POLR3B: variants seen among roughly 807,000 people sequenced by gnomAD.
POLR3B encodes the protein DNA-directed RNA polymerase III subunit RPC2.
POLR3B carries 96 observed loss-of-function variants against 147.4 expected under a neutral mutation model. That is an observed-to-expected ratio of 0.65 (90% confidence interval 0.55 to 0.77). The LOEUF (loss-of-function observed/expected upper bound fraction) is 0.77. Among genes scored for constraint, POLR3B ranks in the 30% least tolerant of loss-of-function variants. POLR3B has a pLI of 0.00. For missense variants in POLR3B, 1,036 were observed against 1,413.5 expected (o/e 0.73, Z 4.28); for synonymous variants, 461 against 485.9 (o/e 0.95, Z 0.67).
intron 23 of POLR3B, among the ~76,000 whole-genome samples, chr12:106,487,487 G>C: frequency 6.6e-6 from 1 of 152,248 alleles, no homozygotes; most frequent in East Asian, 1.9e-4. Flanking sequence ...TCCATTTAGA[G>C]CATTAAATGT....
At chr12:106,368,022 C>T (rs2036556017) in intron 4 of POLR3B, among the ~76,000 whole-genome samples, 1 of 152,022 alleles carries the variant, frequency 6.6e-6, no homozygotes, top group South Asian at 2.1e-4. Flanking sequence ...TCAATTTGGA[C>T]TCATGGATGT....
rs2038200295 is a variant in POLR3B, at chr12:106,477,842, G to A, written c.2713+14222G>A. Among the ~76,000 whole-genome samples the A allele has an allele frequency of 2.0e-5, 3 of 151,194 alleles. No individual in the cohort carries two copies. The South Asian group carries it at 6.3e-4, about 32-fold the overall frequency. On this transcript the variant is annotated intron_variant, in intron 23 of 27. Coordinates refer to ENST00000228347, the MANE Select transcript of POLR3B (RefSeq NM_018082.6). The stretch of plus-strand genomic sequence containing the variant: ...CCGTCTTCTGCGTCGCTCACGGGCT[G>A]GGAGCTGTAGACGGGAGCTGTTCCT...
chr12:106,481,940 T>G (rs1005977144), intron 23 of POLR3B, among the ~76,000 whole-genome samples: 7 of 152,192 alleles, frequency 4.6e-5, no homozygotes, highest in Admixed American at 3.3e-4. Flanking sequence ...TTCTTGGGTT[T>G]GTTTGTTTGT....
intron 6 of POLR3B, among the ~76,000 whole-genome samples, chr12:106,372,350 T>G (rs2036619104): frequency 6.7e-6 from 1 of 149,718 alleles, no homozygotes; most frequent in Admixed American, 6.7e-5. Context: ...TTTTTTTTTT[T>G]TTTTTTGAGA....
At chr12:106,424,620 T>G (rs2037413204) in intron 12 of POLR3B, among the ~76,000 whole-genome samples, 1 of 151,686 alleles carries the variant, frequency 6.6e-6, no homozygotes. Context: ...GCTTGCTAGA[T>G]TTTTTTTTAA....
intron 23 of POLR3B, among the ~76,000 whole-genome samples, chr12:106,475,818 C>G (rs920030223): frequency 2.0e-5 from 3 of 150,136 alleles, no homozygotes; most frequent in Non-Finnish European, 4.4e-5. Context: ...GACTCTTTAT[C>G]CAACTTGCCA....
chr12:106,480,793 C>T (rs1004081618), intron 23 of POLR3B, among the ~76,000 whole-genome samples: 4 of 151,950 alleles, frequency 2.6e-5, no homozygotes, highest in African/African-American at 9.7e-5. Context: ...ATTAAAGTTC[C>T]AACCCTTGCG....
Position 106,509,621 on chromosome 12 carries a change from A to G in POLR3B, c.*72A>G. On this transcript the variant is annotated 3_prime_UTR_variant, in exon 28 of 28. Coordinates refer to ENST00000228347, the MANE Select transcript of POLR3B (RefSeq NM_018082.6). Reference sequence around the variant, plus strand: ...CAACGGAAAGCAGAAGGGATTTAGGACTACGTCTCCTCCTGTGAAGAATTC... The same window carrying G: ...CAACGGAAAGCAGAAGGGATTTAGGGCTACGTCTCCTCCTGTGAAGAATTC... The G allele has an allele frequency of 7.4e-7, 1 of 1,354,190 alleles. No homozygotes were observed. Among genetic ancestry groups the G allele is most frequent in the Non-Finnish European group, 1.0e-6 (1 of 955,512 alleles). The allele number at this position is 1,354,190 out of a possible 1,614,324, so 83.9% of individuals were successfully genotyped here. A position where few individuals can be genotyped will look rare whatever the true frequency, so the allele number is the denominator to read the frequency against.
intron 23 of POLR3B, among the ~76,000 whole-genome samples, chr12:106,480,778 A>T (rs184468148): frequency 8.1e-4 from 123 of 152,318 alleles, no homozygotes; most frequent in African/African-American, 2.8e-3. Context: ...CAGTAAACAA[A>T]ATAGATTAAA....
At chr12:106,495,246 A>T (rs2038462018) in intron 23 of POLR3B, among the ~76,000 whole-genome samples, 1 of 152,242 alleles carries the variant, frequency 6.6e-6, no homozygotes, top group African/African-American at 2.4e-5. Flanking sequence ...AGGTTAGAAT[A>T]ATATTAAGGG....
chr12:106,458,000 A>G (rs1057103478), intron 21 of POLR3B, among the ~76,000 whole-genome samples: 3 of 152,218 alleles, frequency 2.0e-5, no homozygotes, highest in African/African-American at 7.2e-5. Flanking sequence ...AAAGAAGACC[A>G]GCGTGGCTAA....
chr12:106,414,535 C>G (rs1355557111), intron 12 of POLR3B, among the ~76,000 whole-genome samples: 1 of 152,148 alleles, frequency 6.6e-6, no homozygotes, highest in African/African-American at 2.4e-5. Flanking sequence ...TGTCACTGAA[C>G]TCTGATTTAG....
intron 22 of POLR3B, among the ~76,000 whole-genome samples, chr12:106,463,155 C>T (rs1565904097): frequency 6.6e-6 from 1 of 152,156 alleles, no homozygotes. Flanking sequence ...CCCAGTTCCA[C>T]TTTGTGTGAG....
In POLR3B at chr12:106,357,782, G is replaced by A. The variant is rs530024429; in HGVS notation, c.-98G>A. On this transcript the variant is annotated 5_prime_UTR_variant, in exon 1 of 28. Transcript: ENST00000228347. Reference sequence around the variant, plus strand: ...TAACACGCACGGCGGGGACAGTTTAGGCCTCCGCGCACCGTTCGCCGGGAG... The same window carrying A: ...TAACACGCACGGCGGGGACAGTTTAAGCCTCCGCGCACCGTTCGCCGGGAG... 58 of 1,207,358 alleles carry A rather than the reference G, an allele frequency of 4.8e-5. No individual in the cohort carries two copies. The African/African-American group carries it at 8.0e-4, about 17-fold the overall frequency. The allele number at this position is 1,207,358 out of a possible 1,614,324, so 74.8% of individuals were successfully genotyped here.
chr12:106,366,304 T>C (rs2036534891), intron 2 of POLR3B, among the ~76,000 whole-genome samples: 2 of 152,340 alleles, frequency 1.3e-5, no homozygotes, highest in Middle Eastern at 6.8e-3. Flanking sequence ...CTCGAGGATA[T>C]GCTAGTAAGA....
rs1186814322 is a variant in POLR3B at position 106,438,501 on chromosome 12, GT to G, written c.1955+735del. Among the ~76,000 whole-genome samples, 271 of 142,994 alleles carry G rather than the reference GT, an allele frequency of 1.9e-3. 3 individuals carry two copies. In the East Asian group the frequency reaches 0.025, roughly 13 times the overall value. The allele number at this position is 142,994 out of a possible 152,430, so 93.8% of individuals were successfully genotyped here. A position where few individuals can be genotyped will look rare whatever the true frequency, so the allele number is the denominator to read the frequency against. On this transcript the variant is annotated intron_variant, in intron 18 of 27. Transcript: ENST00000228347. ...TATATGTATATAAAACCATATATAT[GT>G]TTTTTTTTTTTTGAGACAAGGTCTT...
intron 24 of POLR3B, chr12:106,496,457 T>A: frequency 1.7e-6 from 1 of 597,088 alleles, no homozygotes. Flanking sequence ...TCCCTTTCAG[T>A]GATTATTTTT....
intron 23 of POLR3B, among the ~76,000 whole-genome samples, chr12:106,473,877 C>T (rs2038126171): frequency 6.6e-6 from 1 of 150,986 alleles, no homozygotes; most frequent in African/African-American, 2.4e-5. Context: ...GCGTGATTGC[C>T]CTGGCCAGAA....
At chr12:106,404,965 A>T (rs1287138382) in intron 10 of POLR3B, among the ~76,000 whole-genome samples, 3 of 152,154 alleles carry the variant, frequency 2.0e-5, no homozygotes, top group Admixed American at 2.0e-4. Flanking sequence ...AGTTGTTTCA[A>T]CACCATTTGT....
Sources: allele counts gnomAD v4.1 joint callset (sites outside exome capture counted in the v4.1 genomes callset), GRCh38; gene constraint gnomAD v4.1.1; transcripts MANE v1.5; gene names NCBI Gene and HGNC (gene_info 2026-07-23, HGNC 2026-07-21).